Variants in PIK3C2G observed in about 807,000 individuals in gnomAD.
The protein encoded by PIK3C2G is phosphatidylinositol 3-kinase C2 domain-containing subunit gamma.
In PIK3C2G, 168 loss-of-function variants were observed where a neutral mutation model predicts 181.1. The ratio of observed to expected loss-of-function variants is 0.93; its 90% CI spans 0.82 to 1.05. PIK3C2G has a LOEUF of 1.05. PIK3C2G is among the 50% of genes least tolerant of loss of function. The pLI is 0.00. For missense variants in PIK3C2G, 1,869 were observed against 1,732.8 expected (o/e 1.08, Z -1.40); for synonymous variants, 573 against 592.2 (o/e 0.97, Z 0.47).
intron 18 of PIK3C2G, among the ~76,000 whole-genome samples, chr12:18,439,492 G>C (rs1402849915): frequency 1.3e-5 from 2 of 152,096 alleles, no homozygotes; most frequent in South Asian, 4.2e-4. Flanking sequence ...AAATAGAGTT[G>C]AGTGTTAGAA....
At chr12:18,420,905 A>G in intron 16 of PIK3C2G, 36 bp from the exon 17 acceptor site, 1 of 1,101,562 alleles carries the variant, frequency 9.1e-7, no homozygotes, top group African/African-American at 1.5e-5. Flanking sequence ...ATTCCTTACC[A>G]TTAACAGCTT....
intron 13 of PIK3C2G, among the ~76,000 whole-genome samples, chr12:18,376,443 C>T (rs1942443688): frequency 6.6e-6 from 1 of 152,116 alleles, no homozygotes; most frequent in African/African-American, 2.4e-5. Context: ...AAGTAAGTAA[C>T]TTGTTTTGAT....
chr12:18,607,180 G>A (rs1948074242), intron 30 of PIK3C2G: 3 of 515,314 alleles, frequency 5.8e-6, no homozygotes, highest in East Asian at 5.5e-5. Flanking sequence ...TTTGAAGAAA[G>A]GTAGAAGTTC....
At chr12:18,453,640 T>A (rs1947479542) in intron 18 of PIK3C2G, among the ~76,000 whole-genome samples, 1 of 152,126 alleles carries the variant, frequency 6.6e-6, no homozygotes, top group African/African-American at 2.4e-5. Context: ...AAACACATTG[T>A]AAAGCACCTT....
chr12:18,258,873 T>C (rs78159740), upstream of PIK3C2G, among the ~76,000 whole-genome samples: 12,071 of 152,182 alleles, frequency 0.079, 1,073 homozygotes, highest in East Asian at 0.47. Flanking sequence ...TATAAAGAAT[T>C]TCATATTCTA....
At chr12:18,637,544 G>A (rs1023673067) in intron 31 of PIK3C2G, among the ~76,000 whole-genome samples, 2 of 152,106 alleles carry the variant, frequency 1.3e-5, no homozygotes, top group South Asian at 2.1e-4. Flanking sequence ...CCTGCTGTCC[G>A]CTATGGTAAC....
chr12:18,481,703 A>C, intron 18 of PIK3C2G, among the ~76,000 whole-genome samples: 1 of 152,180 alleles, frequency 6.6e-6, no homozygotes, highest in East Asian at 1.9e-4. Flanking sequence ...GAAATCAAAC[A>C]AAATAAGCCC....
At chr12:18,347,113 C>T (rs1472492703) in intron 11 of PIK3C2G, among the ~76,000 whole-genome samples, 1 of 151,930 alleles carries the variant, frequency 6.6e-6, no homozygotes, top group Non-Finnish European at 1.5e-5. Flanking sequence ...TTAGTGGCTC[C>T]TCTAAAATTT....
intron 6 of PIK3C2G, among the ~76,000 whole-genome samples, chr12:18,316,716 C>T (rs758413333): frequency 5.9e-5 from 9 of 151,784 alleles, no homozygotes; most frequent in Non-Finnish European, 1.2e-4. Context: ...GGTGACAGAG[C>T]GAGACTCTGT....
the PIK3C2G span, among the ~76,000 whole-genome samples, chr12:18,676,664 A>G: frequency 6.6e-6 from 1 of 152,198 alleles, no homozygotes. Context: ...GCAGGACTAT[A>G]GTATAAGCAT....
chr12:18,265,302 G>C (rs1301444597), intron 1 of PIK3C2G, among the ~76,000 whole-genome samples: 1 of 151,994 alleles, frequency 6.6e-6, no homozygotes, highest in East Asian at 1.9e-4. Flanking sequence ...ATCATTTAAG[G>C]AATCATGAAT....
intron 13 of PIK3C2G, among the ~76,000 whole-genome samples, chr12:18,373,661 A>G (rs966832847): frequency 6.6e-6 from 1 of 152,120 alleles, no homozygotes; most frequent in Non-Finnish European, 1.5e-5. Context: ...CATCCTGGCT[A>G]ACATGGTGAA....
upstream of PIK3C2G, among the ~76,000 whole-genome samples, chr12:18,244,520 A>T (rs1948019595): frequency 1.3e-5 from 2 of 151,934 alleles, no homozygotes; most frequent in South Asian, 4.1e-4. Context: ...GGGTCTCAAA[A>T]CTACATTTAT....
chr12:18,640,183 A>G (rs1295319379), intron 31 of PIK3C2G, among the ~76,000 whole-genome samples: 1 of 152,018 alleles, frequency 6.6e-6, no homozygotes, highest in Non-Finnish European at 1.5e-5. Context: ...ATTATATGTA[A>G]TGGACTTTAA....
the PIK3C2G span, among the ~76,000 whole-genome samples, chr12:18,681,267 A>C: frequency 6.6e-6 from 1 of 152,042 alleles, no homozygotes; most frequent in Non-Finnish European, 1.5e-5. Flanking sequence ...AATATAACCT[A>C]ATCTAGCAGA....
chr12:18,265,106 G>T (rs916088668), intron 1 of PIK3C2G, among the ~76,000 whole-genome samples: 25 of 152,170 alleles, frequency 1.6e-4, no homozygotes, highest in African/African-American at 6.0e-4. Context: ...ATACATGTGC[G>T]TGGCTATTTA....
At position 18,562,892 on chromosome 12, in the gene PIK3C2G, T is replaced by G; in HGVS notation, c.3780T>G (p.Asn1260Lys). ...TAGGGTTCAGCAAGAAATCCAGTAA[T>G]GTAAGTTTAAAGTCCGTCATCTTGA... The part of the protein sequence containing the change: ...TILGFSKKSS[N>K]LYLIQVTHSN... The change falls in exon 27 of 33, where the codon AAT becomes AAG. Residue 1260 changes from asparagine (N) to lysine (K), a missense_variant and splice_region_variant. Physicochemically the swap from Asn to Lys is moderately conservative, Grantham distance 94. Coordinates refer to ENST00000538779, the MANE Select transcript of PIK3C2G (RefSeq NM_001288772.2). 1 of 1,586,806 alleles carries G rather than the reference T, an allele frequency of 6.3e-7. No individual in the cohort carries two copies. Among genetic ancestry groups the G allele is most frequent in the South Asian group, 1.1e-5 (1 of 87,222 alleles).
chr12:18,690,141 T>C, the PIK3C2G span, among the ~76,000 whole-genome samples: 1 of 152,190 alleles, frequency 6.6e-6, no homozygotes, highest in Non-Finnish European at 1.5e-5. Context: ...ATTTGTTCAA[T>C]GAACCTAGAT....
At chr12:18,377,828 T>C (rs1489848230) in intron 13 of PIK3C2G, among the ~76,000 whole-genome samples, 5 of 152,144 alleles carry the variant, frequency 3.3e-5, no homozygotes, top group African/African-American at 9.7e-5. Context: ...GTTATAAATA[T>C]TACATATATA....
Sources: allele counts gnomAD v4.1 joint callset (sites outside exome capture counted in the v4.1 genomes callset), GRCh38; gene constraint gnomAD v4.1.1; transcripts MANE v1.5; gene names NCBI Gene and HGNC (gene_info 2026-07-23, HGNC 2026-07-21).